VPS4B: variants seen among roughly 807,000 people sequenced by gnomAD.
The protein encoded by VPS4B is vacuolar protein sorting 4 homolog B, also known as vacuolar protein sorting-associated protein 4B.
In VPS4B, 23 loss-of-function variants were observed where a neutral mutation model predicts 56.1. The observed-to-expected ratio is 0.41, with a 90% CI of 0.30 to 0.58. The LOEUF is 0.58. Among genes scored for constraint, VPS4B ranks in the 20% least tolerant of loss-of-function variants. The pLI, the probability that VPS4B is intolerant of heterozygous loss-of-function variation, is 0.29. For synonymous variants in VPS4B, 177 were observed against 186.0 expected, an observed-to-expected ratio of 0.95 and a Z score of 0.39; for missense variants, 372 against 531.9, an observed-to-expected ratio of 0.70 and a Z score of 2.96.
Position 63,389,596 on chromosome 18 carries a change from T to A in VPS4B, c.*1379A>T, listed in dbSNP as rs1173152220. ...TGAAACACATCCTCAGATTATTTAT[T>A]TGAAAATATTAAAATAGCATCGTTT... is the stretch of plus-strand genomic sequence containing the variant. On this transcript the variant is annotated 3_prime_UTR_variant, in exon 11 of 11. Coordinates refer to ENST00000238497, the MANE Select transcript of VPS4B (RefSeq NM_004869.4). The A allele has an allele frequency of 7.2e-6, 1 of 139,102 alleles. No individual in the cohort carries two copies. Among genetic ancestry groups the A allele is most frequent in the African/African-American group, 2.9e-5 (1 of 34,732 alleles). 8.6% of individuals were successfully genotyped at this position (139,102 alleles called of 1,614,324 possible). A position where few individuals can be genotyped will look rare whatever the true frequency, so the allele number is the denominator to read the frequency against.
chr18:63,400,529 A>C lies in VPS4B; in HGVS notation c.641+18T>G. On this transcript the variant is annotated intron_variant, in intron 6 of 10. Coordinates refer to ENST00000238497, the MANE Select transcript of VPS4B (RefSeq NM_004869.4). ...TACAGGCAAAGAAAAAACTTTAAAA[A>C]ATTGATTTACTACTTACTTTTCACT... 6.3e-7 allele frequency: 1 copy of C among 1,597,030 alleles called. No individual in the cohort carries two copies. The highest frequency in any genetic ancestry group is 8.5e-7 in the Non-Finnish European group (1 of 1,175,548).
rs1299894337 is a variant in VPS4B at position 63,406,406 on chromosome 18, G to GTA, written c.364+1024_364+1025dup. Among the ~76,000 whole-genome samples the GTA allele has an allele frequency of 1.3e-4, 20 of 152,324 alleles. No individual in the cohort carries two copies. The East Asian group carries it at 3.7e-3, about 28-fold the overall frequency. ...AAATACTACCAAAACGAAGACACTA[G>GTA]TATAGCAAGGCTAAAAGTTTGGCTC... On this transcript the variant is annotated intron_variant, in intron 4 of 10. Transcript: ENST00000238497.
intron 1 of VPS4B, among the ~76,000 whole-genome samples, chr18:63,413,870 C>T (rs942221473): frequency 2.6e-5 from 4 of 152,122 alleles, no homozygotes; most frequent in African/African-American, 4.8e-5. Flanking sequence ...TCTATTGTAG[C>T]AGGGAAGAAA....
chr18:63,408,387 A>G (rs1359857064), intron 3 of VPS4B, among the ~76,000 whole-genome samples: 1 of 152,190 alleles, frequency 6.6e-6, no homozygotes, highest in East Asian at 1.9e-4. Flanking sequence ...AGACACTGCA[A>G]AAGATTCACA....
chr18:63,402,511 C>A (rs1037792036), intron 5 of VPS4B, among the ~76,000 whole-genome samples: 5 of 151,938 alleles, frequency 3.3e-5, no homozygotes, highest in Admixed American at 6.6e-5. Flanking sequence ...TTAAGGAAGC[C>A]CAACACCCAG....
At chr18:63,397,342 A>G in intron 8 of VPS4B, 89 bp from the exon 9 acceptor site, 1 of 1,201,038 alleles carries the variant, frequency 8.3e-7, no homozygotes, top group South Asian at 1.6e-5. Context: ...GTGGGCCTGT[A>G]TGTGCCAAGG....
At chr18:63,418,491 C>T (rs1387750484) in intron 1 of VPS4B, among the ~76,000 whole-genome samples, 5 of 151,960 alleles carry the variant, frequency 3.3e-5, no homozygotes, top group Non-Finnish European at 7.4e-5. Context: ...CTCAGTGTTA[C>T]CTCCACCTCC....
At position 63,409,481 on chromosome 18, in the gene VPS4B, C is replaced by G. The variant is rs76877905; in HGVS notation, c.296+809G>C. 5.8e-3 allele frequency among the ~76,000 whole-genome samples: 887 copies of G among 152,290 alleles called. 4 individuals are homozygous for G. Among genetic ancestry groups the G allele is most frequent in the Middle Eastern group, 0.014 (4 of 294 alleles). ...TTTCAAACCCAAGCAGGCCAGATAA[C>G]TCCATCCCAGAGTCTCATTTTCTTA... On this transcript the variant is annotated intron_variant, in intron 3 of 10. Transcript: ENST00000238497.
At position 63,392,700 on chromosome 18, in the gene VPS4B, G is replaced by A. The variant is rs959320161; in HGVS notation, c.1233+709C>T. Among the ~76,000 whole-genome samples the A allele has an allele frequency of 1.1e-4, 17 of 150,956 alleles. No individual in the cohort carries two copies. In the South Asian group the frequency reaches 1.5e-3, roughly 13 times the overall value. On this transcript the variant is annotated intron_variant, in intron 10 of 10. Coordinates refer to ENST00000238497, the MANE Select transcript of VPS4B (RefSeq NM_004869.4). ...CCTGACCTCATGATCCACCCGCCTC[G>A]GCCTCCCAAAGTGTTGGGATTACAG...
chr18:63,410,481 T>C (rs548052043), intron 2 of VPS4B, 35 bp from the exon 3 acceptor site: 2 of 1,601,644 alleles, frequency 1.2e-6, no homozygotes, highest in African/African-American at 2.7e-5. Flanking sequence ...TTTTTTCCAT[T>C]AGTATTCTAT....
chr18:63,399,444 G>A, intron 7 of VPS4B, 121 bp from the exon 8 acceptor site: 1 of 812,216 alleles, frequency 1.2e-6, no homozygotes. Flanking sequence ...TTGAGAGTCT[G>A]TCTTTGGAAA....
chr18:63,420,341 G>A (rs541650155), intron 1 of VPS4B, among the ~76,000 whole-genome samples: 1 of 152,096 alleles, frequency 6.6e-6, no homozygotes, highest in Non-Finnish European at 1.5e-5. Flanking sequence ...CCAGCTACTC[G>A]GGAGGCTGAG....
At chr18:63,400,276 C>T (rs1915780810) in intron 6 of VPS4B, 80 bp from the exon 7 acceptor site, 1 of 1,377,182 alleles carries the variant, frequency 7.3e-7, no homozygotes, top group Admixed American at 2.7e-5. Flanking sequence ...ATTACAAGAA[C>T]TCTGTAGATT....
chr18:63,420,156 T>C (rs556615498), intron 1 of VPS4B, among the ~76,000 whole-genome samples: 1 of 152,276 alleles, frequency 6.6e-6, no homozygotes, highest in South Asian at 2.1e-4. Context: ...TCAAGTATGA[T>C]GCATTCTGGG....
At chr18:63,411,428 T>G (rs1227772967) in intron 2 of VPS4B, 39 bp downstream of exon 2, 1 of 1,403,588 alleles carries the variant, frequency 7.1e-7, no homozygotes, top group African/African-American at 1.4e-5. Context: ...TAAATTTTCC[T>G]TTTCGTGTTT....
intron 4 of VPS4B, 32 bp downstream of exon 4, chr18:63,407,400 A>G (rs757779398): frequency 1.3e-6 from 2 of 1,526,058 alleles, no homozygotes; most frequent in Non-Finnish European, 1.8e-6. Flanking sequence ...TTTTAATAGG[A>G]TAGTAAATTT....
intron 1 of VPS4B, chr18:63,415,383 C>T: frequency 3.9e-6 from 1 of 258,552 alleles, no homozygotes; most frequent in Non-Finnish European, 8.0e-6. Context: ...CTACTGCTAT[C>T]TCAAAGTCCT....
chr18:63,422,453 A>C lies in VPS4B; in HGVS notation c.-194T>G. 4.8e-6 allele frequency: 2 copies of C among 420,730 alleles called. No individual in the cohort carries two copies. Among genetic ancestry groups the C allele is most frequent in the Non-Finnish European group, 8.2e-6 (2 of 243,888 alleles). The allele number at this position is 420,730 out of a possible 1,614,324, so 26.1% of individuals were successfully genotyped here. Reference sequence around the variant, plus strand: ...CCAGAGCTCCGACCCTCCCCACCAAACTTCCGCAATCCCGAGGCCCTCTAG... The same window carrying C: ...CCAGAGCTCCGACCCTCCCCACCAACCTTCCGCAATCCCGAGGCCCTCTAG... On this transcript the variant is annotated 5_prime_UTR_variant, in exon 1 of 11. Coordinates refer to ENST00000238497, the MANE Select transcript of VPS4B (RefSeq NM_004869.4).
chr18:63,408,312 G>A (rs938959740), intron 3 of VPS4B, among the ~76,000 whole-genome samples: 1 of 152,154 alleles, frequency 6.6e-6, no homozygotes, highest in African/African-American at 2.4e-5. Flanking sequence ...ATAAAAGCAT[G>A]ACATGTTTTA....
Sources: gnomAD v4.1 joint callset for allele counts (sites outside exome capture counted in the v4.1 genomes callset) on GRCh38, gnomAD v4.1.1 for gene constraint, MANE v1.5 for transcripts, NCBI Gene and HGNC (gene_info 2026-07-23, HGNC 2026-07-21) for gene names.